CHCHD6: variants seen among roughly 807,000 people sequenced by gnomAD.
The protein encoded by CHCHD6 is coiled-coil-helix-coiled-coil-helix domain containing 6, also known as MICOS complex subunit MIC25.
In CHCHD6, 28 loss-of-function variants were observed where a neutral mutation model predicts 32.3. That is an observed-to-expected ratio of 0.87 (90% CI 0.64 to 1.19). CHCHD6 has a LOEUF of 1.19. CHCHD6 is among the 50% of genes most tolerant of loss of function. The probability of loss-of-function intolerance (pLI) is 0.00; values close to 1 mark genes in which losing one functional copy is unlikely to be tolerated. For missense variants in CHCHD6, 333 were observed against 307.0 expected, an observed-to-expected ratio of 1.08 and a Z score of -0.63; for synonymous variants, 122 against 117.5, an observed-to-expected ratio of 1.04 and a Z score of -0.25.
chr3:126,733,764 A>C lies in CHCHD6; in HGVS notation c.411+542A>C, dbSNP rs149654359. Among the ~76,000 whole-genome samples, 893 of 152,334 alleles carry C rather than the reference A, an allele frequency of 5.9e-3. 6 individuals are homozygous for C. The highest frequency in any genetic ancestry group is 8.5e-3 in the Non-Finnish European group (578 of 68,034). On this transcript the variant is annotated intron_variant, in intron 4 of 7. Transcript: ENST00000290913. The stretch of plus-strand genomic sequence containing the variant: ...AGGACTTAGCACATGCTGGCAGACC[A>C]TGGGAGTGCACTATTGTTGTTATCA...
intron 4 of CHCHD6, among the ~76,000 whole-genome samples, chr3:126,776,171 T>A (rs556668402): frequency 6.6e-6 from 1 of 152,326 alleles, no homozygotes; most frequent in South Asian, 2.1e-4. Flanking sequence ...TGTTAATAGT[T>A]TGAGCATCTT....
chr3:126,823,994 G>GCTTCATGTGAACTGT lies in CHCHD6; in HGVS notation c.412-28653_412-28652insCTTCATGTGAACTGT, dbSNP rs1445588879. The stretch of plus-strand genomic sequence containing the variant: ...GGGTGCTGAAGCAGGAGGTTCACAT[G>GCTTCATGTGAACTGT]AGTCCTGGAATTTGAGGCTACAGTG... On this transcript the variant is annotated intron_variant, in intron 4 of 7. Coordinates refer to ENST00000290913, the MANE Select transcript of CHCHD6 (RefSeq NM_032343.3). 4.6e-5 allele frequency among the ~76,000 whole-genome samples: 7 copies of GCTTCATGTGAACTGT among 152,262 alleles called. No individual in the cohort carries two copies. The South Asian group carries it at 1.5e-3, about 32-fold the overall frequency.
intron 4 of CHCHD6, among the ~76,000 whole-genome samples, chr3:126,818,067 G>T (rs1576453554): frequency 6.6e-6 from 1 of 152,258 alleles, no homozygotes; most frequent in African/African-American, 2.4e-5. Flanking sequence ...ACTGAGTGAG[G>T]GGCCTGTAAA....
intron 4 of CHCHD6, among the ~76,000 whole-genome samples, chr3:126,793,458 A>G (rs559685563): frequency 1.9e-4 from 29 of 152,082 alleles, no homozygotes; most frequent in Middle Eastern, 3.4e-3. Flanking sequence ...TCAACATTTT[A>G]CCACTCCAAG....
intron 5 of CHCHD6, among the ~76,000 whole-genome samples, chr3:126,861,274 G>A (rs1048169249): frequency 7.2e-5 from 11 of 151,952 alleles, no homozygotes; most frequent in Admixed American, 4.6e-4. Context: ...TAGTGGTTAA[G>A]GTCACAGGCT....
chr3:126,879,776 G>A (rs774933049), intron 5 of CHCHD6, among the ~76,000 whole-genome samples: 2 of 152,178 alleles, frequency 1.3e-5, no homozygotes, highest in Non-Finnish European at 2.9e-5. Context: ...AGACAAAATA[G>A]GAACGTGTCA....
At position 126,922,620 on chromosome 3, in the gene CHCHD6, C is replaced by G. The variant is rs541446054; in HGVS notation, c.566+7870C>G. On this transcript the variant is annotated intron_variant, in intron 6 of 7. Coordinates refer to ENST00000290913, the MANE Select transcript of CHCHD6 (RefSeq NM_032343.3). ...TGCCCTTCCCTGAATTTCAGCCCAC[C>G]ACGTGTGTGTGTGTGTGTGTGTGTG... Among the ~76,000 whole-genome samples the G allele has an allele frequency of 3.3e-5, 3 of 90,660 alleles. No homozygotes were observed. In the East Asian group the frequency reaches 1.2e-3, roughly 36 times the overall value. The allele number at this position is 90,660 out of a possible 152,430, so 59.5% of individuals were successfully genotyped here. A position where few individuals can be genotyped will look rare whatever the true frequency, so the allele number is the denominator to read the frequency against.
chr3:126,706,387 A>C (rs1056330723), intron 1 of CHCHD6, among the ~76,000 whole-genome samples: 2 of 152,202 alleles, frequency 1.3e-5, no homozygotes, highest in African/African-American at 4.8e-5. Context: ...GACTTTAATT[A>C]AGATCTTTTC....
At chr3:126,860,792 C>T (rs1941833220) in intron 5 of CHCHD6, among the ~76,000 whole-genome samples, 2 of 152,058 alleles carry the variant, frequency 1.3e-5, no homozygotes, top group African/African-American at 4.8e-5. Context: ...GCAAGATGAG[C>T]TTTTGTGCAC....
chr3:126,934,271 A>G (rs1449719277), intron 6 of CHCHD6, among the ~76,000 whole-genome samples: 1 of 152,236 alleles, frequency 6.6e-6, no homozygotes, highest in Non-Finnish European at 1.5e-5. Flanking sequence ...AGATAGATGA[A>G]TTGCCTTCCA....
intron 4 of CHCHD6, among the ~76,000 whole-genome samples, chr3:126,834,583 G>A (rs1940777920): frequency 6.6e-6 from 1 of 152,146 alleles, no homozygotes; most frequent in Non-Finnish European, 1.5e-5. Flanking sequence ...TACTACTGCT[G>A]TTGCTGTGGT....
At chr3:126,827,873 A>G (rs1280900006) in intron 4 of CHCHD6, among the ~76,000 whole-genome samples, 1 of 152,196 alleles carries the variant, frequency 6.6e-6, no homozygotes, top group East Asian at 1.9e-4. Flanking sequence ...GGTCTGGCCC[A>G]GAGCACATGT....
chr3:126,843,049 A>G (rs1337868125), intron 4 of CHCHD6, among the ~76,000 whole-genome samples: 2 of 151,886 alleles, frequency 1.3e-5, no homozygotes, highest in African/African-American at 4.8e-5. Flanking sequence ...GATATTATAT[A>G]TAGATTTTTT....
At chr3:126,803,196 T>C (rs1394392387) in intron 4 of CHCHD6, among the ~76,000 whole-genome samples, 1 of 151,100 alleles carries the variant, frequency 6.6e-6, no homozygotes, top group Non-Finnish European at 1.5e-5. Context: ...AATGACAGGA[T>C]CAAATTCACA....
chr3:126,923,432 A>G (rs1269058413), intron 6 of CHCHD6, among the ~76,000 whole-genome samples: 1 of 152,230 alleles, frequency 6.6e-6, no homozygotes, highest in Non-Finnish European at 1.5e-5. Flanking sequence ...CTTAGCCTTG[A>G]GAGATGCTCA....
chr3:126,716,638 C>T lies in CHCHD6; in HGVS notation c.88-10440C>T, dbSNP rs554021865. Among the ~76,000 whole-genome samples, 32 of 152,174 alleles carry T rather than the reference C, an allele frequency of 2.1e-4. No homozygotes were observed. In the South Asian group the frequency reaches 5.2e-3, roughly 25 times the overall value. On this transcript the variant is annotated intron_variant, in intron 1 of 7. Coordinates refer to ENST00000290913, the MANE Select transcript of CHCHD6 (RefSeq NM_032343.3). The stretch of plus-strand genomic sequence containing the variant: ...TGGTTCACAAACATTTGAGTGTCTC[C>T]GGTGTGCTAAGCCCTGAAGATACAG...
At chr3:126,807,031 C>T (rs1254956176) in intron 4 of CHCHD6, among the ~76,000 whole-genome samples, 46 of 123,412 alleles carry the variant, frequency 3.7e-4, no homozygotes, top group Admixed American at 1.3e-3. Flanking sequence ...GGGAACATCA[C>T]ACTCTGGGGC....
intron 5 of CHCHD6, among the ~76,000 whole-genome samples, chr3:126,854,311 A>C (rs534800397): frequency 6.6e-6 from 1 of 152,282 alleles, no homozygotes; most frequent in East Asian, 1.9e-4. Context: ...GTGCAAAAGC[A>C]TGATCTCCTT....
At position 126,704,354 on chromosome 3, in the gene CHCHD6, C is replaced by G. The variant is rs1033958900; in HGVS notation, c.42C>G (p.Phe14Leu). 4 of 1,594,224 alleles carry G rather than the reference C, an allele frequency of 2.5e-6. No individual in the cohort carries two copies. The Admixed American group carries it at 5.2e-5, about 21-fold the overall frequency. Residue 14 changes from phenylalanine to leucine, a missense_variant, in exon 1 of 8, where the codon TTC becomes TTG. By Grantham distance (22) the Phe-to-Leu change is conservative. Transcript: ENST00000290913. ...GCAGCGAGGGCCGCAGGGTGTCCTT[C>G]GGAGTGGACGAGGAGGAGCGGGTCC... ...TESSEGRRVS[F>L]GVDEEERVRV...
Sources: gnomAD v4.1 joint callset for allele counts (sites outside exome capture counted in the v4.1 genomes callset) on GRCh38, gnomAD v4.1.1 for gene constraint, MANE v1.5 for transcripts, NCBI Gene and HGNC (gene_info 2026-07-23, HGNC 2026-07-21) for gene names.